PDE11A: variants seen among roughly 807,000 people sequenced by gnomAD.
The protein encoded by PDE11A is phosphodiesterase 11A, also known as dual 3',5'-cyclic-AMP and -GMP phosphodiesterase 11A.
In PDE11A, 100 loss-of-function variants were observed where a neutral mutation model predicts 100.5. The ratio of observed to expected loss-of-function variants is 1.00; its 90% confidence interval spans 0.85 to 1.18. PDE11A has a LOEUF of 1.18. PDE11A is among the 50% of genes most tolerant of loss of function. The pLI, the probability that PDE11A is intolerant of heterozygous loss-of-function variation, is 0.00. For synonymous variants in PDE11A, 381 were observed against 420.8 expected, an observed-to-expected ratio of 0.91 and a Z score of 1.16; for missense variants, 1,141 against 1,152.6, an observed-to-expected ratio of 0.99 and a Z score of 0.15.
Position 177,910,056 on chromosome 2 carries a change from T to C in PDE11A, c.1072-4869A>G, listed in dbSNP as rs557027352. ...CTCAATCAAAGGCTTAATTGAATCATGGTAACCTCCAATGTATATATTGGC... is the reference window on the plus strand; with the variant it reads ...CTCAATCAAAGGCTTAATTGAATCACGGTAACCTCCAATGTATATATTGGC... On this transcript the variant is annotated intron_variant, in intron 2 of 19. Coordinates refer to ENST00000286063, the MANE Select transcript of PDE11A (RefSeq NM_016953.4). Among the ~76,000 whole-genome samples the C allele has an allele frequency of 2.6e-3, 395 of 152,350 alleles. 1 individual carries two copies. The highest frequency in any genetic ancestry group is 8.7e-3 in the African/African-American group (362 of 41,588).
chr2:177,669,634 T>C (rs555387472), intron 17 of PDE11A, 67 bp from the exon 18 acceptor site: 1 of 801,392 alleles, frequency 1.2e-6, no homozygotes, highest in East Asian at 2.4e-5. Context: ...AAGTTCTTTC[T>C]TGCTTATGTA....
chr2:178,010,405 T>C (rs1234311483), intron 2 of PDE11A, among the ~76,000 whole-genome samples: 1 of 152,200 alleles, frequency 6.6e-6, no homozygotes, highest in East Asian at 1.9e-4. Flanking sequence ...AGTTTTAAAA[T>C]GTGAAGTGAA....
intron 9 of PDE11A, among the ~76,000 whole-genome samples, chr2:177,774,536 G>A (rs1222073546): frequency 6.6e-6 from 1 of 152,134 alleles, no homozygotes; most frequent in Non-Finnish European, 1.5e-5. Context: ...TTCTTTGGCT[G>A]CTCTTTATGT....
At chr2:177,738,719 C>T (rs2081830094) in intron 10 of PDE11A, among the ~76,000 whole-genome samples, 1 of 152,204 alleles carries the variant, frequency 6.6e-6, no homozygotes, top group Admixed American at 6.5e-5. Flanking sequence ...AGGGAGGGCA[C>T]AACCACTATT....
rs576915619 is a variant in PDE11A at position 177,753,779 on chromosome 2, G to A, written c.1788+15544C>T. Among the ~76,000 whole-genome samples, 4 of 151,168 alleles carry A rather than the reference G, an allele frequency of 2.6e-5. No individual in the cohort carries two copies. In the South Asian group the frequency reaches 8.4e-4, roughly 32 times the overall value. On this transcript the variant is annotated intron_variant, in intron 10 of 19. Coordinates refer to ENST00000286063, the MANE Select transcript of PDE11A (RefSeq NM_016953.4). ...CCCTTTATCAGGCAGATAAGATTGG[G>A]GGGGCCAACATCTATCTTGTATGCA...
chr2:178,090,181 T>C (rs934439755), intron 2 of PDE11A, among the ~76,000 whole-genome samples: 8 of 152,188 alleles, frequency 5.3e-5, no homozygotes, highest in African/African-American at 1.9e-4. Flanking sequence ...TGGCACAGTA[T>C]AAAATCCCCA....
At chr2:177,991,643 A>T (rs2086006232) in intron 2 of PDE11A, among the ~76,000 whole-genome samples, 1 of 150,778 alleles carries the variant, frequency 6.6e-6, no homozygotes, top group Admixed American at 6.7e-5. Context: ...TCAAAAAATG[A>T]TAATAATAAT....
chr2:178,071,595 G>C lies in PDE11A; in HGVS notation c.843C>G (p.Pro281=). Reference sequence around the variant, plus strand: ...CATAGCCAATGATACCTTTGCCCCAGGGGACCTGCACCTCATTTGAGTTCT... The same window carrying C: ...CATAGCCAATGATACCTTTGCCCCACGGGACCTGCACCTCATTTGAGTTCT... The part of the protein sequence containing the change: ...STENSNEVQV[P]WGKGIIGYVG... Residue 281 remains proline (P), a synonymous_variant, in exon 1 of 20, where the codon CCC becomes CCG. Coordinates refer to ENST00000286063, the MANE Select transcript of PDE11A (RefSeq NM_016953.4). The C allele has an allele frequency of 6.2e-7, 1 of 1,613,660 alleles. No individual in the cohort carries two copies. Among genetic ancestry groups the C allele is most frequent in the Non-Finnish European group, 8.5e-7 (1 of 1,179,652 alleles).
chr2:177,997,918 T>G, intron 2 of PDE11A: 1 of 1,312,738 alleles, frequency 7.6e-7, no homozygotes, highest in South Asian at 1.2e-5. Flanking sequence ...TTTCAATACC[T>G]CCAACTGTAT....
chr2:177,743,552 C>G (rs891998019), intron 10 of PDE11A, among the ~76,000 whole-genome samples: 6 of 152,194 alleles, frequency 3.9e-5, no homozygotes, highest in Non-Finnish European at 8.8e-5. Flanking sequence ...GAAAATCAAC[C>G]TCACTTGGTC....
intron 3 of PDE11A, among the ~76,000 whole-genome samples, chr2:177,900,765 A>C (rs7558482): frequency 0.093 from 12,156 of 130,836 alleles, 503 homozygotes; most frequent in East Asian, 0.21. Context: ...CTCAAAAAAA[A>C]AGAAAGAAAA....
chr2:177,785,554 C>T (rs1283773253), intron 9 of PDE11A, among the ~76,000 whole-genome samples: 2 of 152,094 alleles, frequency 1.3e-5, no homozygotes, highest in African/African-American at 4.8e-5. Context: ...AGGTGCAGTG[C>T]ACCATGCATG....
intron 10 of PDE11A, among the ~76,000 whole-genome samples, chr2:177,730,387 T>C (rs2081666455): frequency 6.6e-6 from 1 of 152,228 alleles, no homozygotes. Context: ...GAAAAACATT[T>C]TAAAATAAGC....
chr2:178,073,016 C>G (rs1285691446), upstream of PDE11A: 1 of 985,254 alleles, frequency 1.0e-6, no homozygotes, highest in African/African-American at 1.7e-5. Context: ...TCCTTCCCCG[C>G]TTCTTGCTCC....
At chr2:177,675,539 A>G in intron 16 of PDE11A, 21 bp from the exon 17 acceptor site, 9 of 1,597,088 alleles carry the variant, frequency 5.6e-6, no homozygotes, top group Non-Finnish European at 7.7e-6. Context: ...GAACCAAACA[A>G]AACAGCCTGA....
chr2:177,912,534 C>T (rs1002108677), intron 2 of PDE11A, among the ~76,000 whole-genome samples: 3 of 152,188 alleles, frequency 2.0e-5, no homozygotes, highest in Non-Finnish European at 4.4e-5. Flanking sequence ...GGTCCTATGT[C>T]CACCCCCACA....
intron 2 of PDE11A, among the ~76,000 whole-genome samples, chr2:178,012,630 C>T (rs2086285800): frequency 6.6e-6 from 1 of 152,154 alleles, no homozygotes; most frequent in African/African-American, 2.4e-5. Context: ...GAGTCCTGTG[C>T]AAATCTTCCC....
chr2:177,800,248 C>T, intron 9 of PDE11A, among the ~76,000 whole-genome samples: 1 of 151,846 alleles, frequency 6.6e-6, no homozygotes, highest in South Asian at 2.1e-4. Flanking sequence ...TAGCTCAGTG[C>T]AGCCTCGAAT....
At chr2:177,821,740 G>A (rs548585206) in intron 6 of PDE11A, among the ~76,000 whole-genome samples, 1 of 151,808 alleles carries the variant, frequency 6.6e-6, no homozygotes, top group Non-Finnish European at 1.5e-5. Flanking sequence ...CATAAATCCT[G>A]GTTTAAGTCT....
Sources: allele counts gnomAD v4.1 joint callset (sites outside exome capture counted in the v4.1 genomes callset), GRCh38; gene constraint gnomAD v4.1.1; transcripts MANE v1.5; gene names NCBI Gene and HGNC (gene_info 2026-07-23, HGNC 2026-07-21).